PIK3C2G: variants seen among roughly 807,000 people sequenced by gnomAD.
PIK3C2G encodes phosphatidylinositol-4-phosphate 3-kinase catalytic subunit type 2 gamma, also known as phosphatidylinositol 3-kinase C2 domain-containing subunit gamma.
Under a neutral mutation model 181.1 loss-of-function variants are expected in PIK3C2G, and 168 were observed. The observed-to-expected ratio is 0.93, with a 90% CI of 0.82 to 1.05. PIK3C2G has a LOEUF of 1.05. PIK3C2G is among the 50% of genes least tolerant of loss of function. The pLI is 0.00. For missense variants in PIK3C2G, 1,869 were observed against 1,732.8 expected, an observed-to-expected ratio of 1.08 and a Z score of -1.40; for synonymous variants, 573 against 592.2, an observed-to-expected ratio of 0.97 and a Z score of 0.47.
intron 5 of PIK3C2G, among the ~76,000 whole-genome samples, chr12:18,311,823 T>G (rs1419470336): frequency 6.6e-6 from 1 of 151,866 alleles, no homozygotes; most frequent in Non-Finnish European, 1.5e-5. Flanking sequence ...AGGTGAGATC[T>G]CACAATAGGC....
In PIK3C2G at chr12:18,640,474, C is replaced by G; in HGVS notation, c.4228C>G (p.Leu1410Val). Residue 1410 changes from leucine to valine, a missense_variant, in exon 32 of 33, where the codon CTT becomes GTT. Transcript: ENST00000538779. ...SAPSAHVEFY[L>V]LPYPSEVRRR... is the part of the protein sequence containing the mutation. ...GCCCAGTGCACATGTTGAATTTTAT[C>G]TTTTACCATATCCCAGTGAAGTTCG... The G allele has an allele frequency of 6.2e-7, 1 of 1,609,368 alleles. No individual in the cohort carries two copies. Among genetic ancestry groups the G allele is most frequent in the East Asian group, 2.2e-5 (1 of 44,680 alleles).
the PIK3C2G span, among the ~76,000 whole-genome samples, chr12:18,679,281 A>G: frequency 6.6e-6 from 1 of 151,966 alleles, no homozygotes; most frequent in African/African-American, 2.4e-5. Flanking sequence ...AAAAGGCAGA[A>G]GTTCTTTTTA....
chr12:18,352,237 T>G (rs543855449), intron 11 of PIK3C2G, among the ~76,000 whole-genome samples: 1 of 152,320 alleles, frequency 6.6e-6, no homozygotes, highest in African/African-American at 2.4e-5. Context: ...AGATGTTGTC[T>G]TTCTAAAGTC....
At chr12:18,600,234 A>G (rs1947631589) in intron 30 of PIK3C2G, among the ~76,000 whole-genome samples, 2 of 152,020 alleles carry the variant, frequency 1.3e-5, no homozygotes, top group African/African-American at 4.8e-5. Context: ...TCACTTTAAC[A>G]AAGTGAAAAT....
rs145274531 is a variant in PIK3C2G at position 18,635,196 on chromosome 12, C to T, written c.4183-5233C>T. On this transcript the variant is annotated intron_variant, in intron 31 of 32. Transcript: ENST00000538779. ...CATGCAGAACTATCCGTAAACCAGG[C>T]CTCATCTTTCTTTCTCTTCCTCTGT... 3.5e-3 allele frequency among the ~76,000 whole-genome samples: 529 copies of T among 152,288 alleles called. 2 individuals carry two copies. Among genetic ancestry groups the T allele is most frequent in the African/African-American group, 0.012 (507 of 41,570 alleles).
intron 1 of PIK3C2G, among the ~76,000 whole-genome samples, chr12:18,262,482 GCT>G (rs1948288229): frequency 6.6e-6 from 1 of 151,892 alleles, no homozygotes; most frequent in Non-Finnish European, 1.5e-5. Context: ...CAACTCAAGG[GCT>G]CTTTCCATGA....
At chr12:18,520,463 T>C (rs1320101959) in intron 24 of PIK3C2G, among the ~76,000 whole-genome samples, 3 of 152,176 alleles carry the variant, frequency 2.0e-5, no homozygotes, top group African/African-American at 4.8e-5. Flanking sequence ...TTCAGCAAGA[T>C]AGTCTTCAAA....
chr12:18,282,689 C>T lies in PIK3C2G; in HGVS notation c.608C>T (p.Pro203Leu), dbSNP rs765538264. 5 of 1,613,218 alleles carry T rather than the reference C, an allele frequency of 3.1e-6. No homozygotes were observed. The East Asian group carries it at 1.1e-4, about 36-fold the overall frequency. Residue 203 changes from proline (P) to leucine (L), a missense_variant, in exon 2 of 33, where the codon CCA (proline) becomes CTA (leucine). Transcript: ENST00000538779. ...AGTGGACATGTGAACATTGTGGAAC[C>T]ATCTTTGATGCTTTTGAAAGGCTCT... The part of the protein sequence containing the change: ...KRSGHVNIVE[P>L]SLMLLKGSLQ...
intron 29 of PIK3C2G, among the ~76,000 whole-genome samples, chr12:18,577,848 T>G (rs1026044024): frequency 1.3e-5 from 2 of 152,216 alleles, no homozygotes; most frequent in African/African-American, 4.8e-5. Flanking sequence ...AATAAAGTAG[T>G]GCTATGTTGA....
At chr12:18,343,251 A>T (rs1939310262) in intron 9 of PIK3C2G, 76 bp from the exon 10 acceptor site, 3 of 758,212 alleles carry the variant, frequency 4.0e-6, no homozygotes, top group Non-Finnish European at 6.7e-6. Flanking sequence ...TAATGTTTAG[A>T]TTTTGGACAT....
chr12:18,466,703 A>C (rs1352870518), intron 18 of PIK3C2G, among the ~76,000 whole-genome samples: 1 of 151,932 alleles, frequency 6.6e-6, no homozygotes, highest in Non-Finnish European at 1.5e-5. Flanking sequence ...AGAAGCTCGA[A>C]AGGTTCAATA....
chr12:18,723,446 T>G, the PIK3C2G span: 2 of 1,613,008 alleles, frequency 1.2e-6, no homozygotes, highest in Admixed American at 3.3e-5. Flanking sequence ...GAATATGTGT[T>G]GAAAATCTCA....
rs774275920 is a variant in PIK3C2G at position 18,594,515 on chromosome 12, T to C, written c.4033T>C (p.Phe1345Leu). 1 of 1,556,092 alleles carries C rather than the reference T, an allele frequency of 6.4e-7. No individual in the cohort carries two copies. The highest frequency in any genetic ancestry group is 2.1e-5 in the Admixed American group (1 of 47,858). ...TCAGAGTGATTGTGTACTTAGCTTT[T>C]TCCTCTCTGAGGCTGTGCAACAAAC... is the stretch of plus-strand genomic sequence containing the variant. ...VTNSDCVLSFFLSEAVQQTVE... is the reference protein window; with the variant it reads ...VTNSDCVLSFLLSEAVQQTVE... Residue 1345 changes from phenylalanine (F) to leucine (L), a missense_variant, in exon 30 of 33, where the codon TTC (phenylalanine) becomes CTC (leucine). Physicochemically the swap from Phe to Leu is conservative, Grantham distance 22. Coordinates refer to ENST00000538779, the MANE Select transcript of PIK3C2G (RefSeq NM_001288772.2).
chr12:18,272,581 CTTTAT>C (rs986554750), intron 1 of PIK3C2G, among the ~76,000 whole-genome samples: 2 of 152,220 alleles, frequency 1.3e-5, no homozygotes, highest in South Asian at 2.1e-4. Flanking sequence ...CCAGTGACAG[CTTTAT>C]TTTAACAATG....
At chr12:18,714,340 T>A in the PIK3C2G span, among the ~76,000 whole-genome samples, 1 of 152,048 alleles carries the variant, frequency 6.6e-6, no homozygotes, top group African/African-American at 2.4e-5. Context: ...CATAAGGCAA[T>A]GGTTAGTGCT....
chr12:18,449,633 T>C (rs927326543), intron 18 of PIK3C2G, among the ~76,000 whole-genome samples: 3 of 152,194 alleles, frequency 2.0e-5, no homozygotes, highest in Non-Finnish European at 4.4e-5. Flanking sequence ...CATGAATTCA[T>C]TCTTTTTTAT....
At chr12:18,711,946 A>T in the PIK3C2G span, among the ~76,000 whole-genome samples, 1 of 152,086 alleles carries the variant, frequency 6.6e-6, no homozygotes, top group Admixed American at 6.6e-5. Flanking sequence ...TATCTTTGAA[A>T]TATTTATTTT....
Position 18,562,696 on chromosome 12 carries a change from T to C in PIK3C2G, c.3591-7T>C. ...CACTCACTATCTTTTCTTTTACATT[T>C]CTCTAGGAAAATAAAGGAAAGTCTG... On this transcript the variant is annotated splice_region_variant and splice_polypyrimidine_tract_variant and intron_variant, in intron 26 of 32. Coordinates refer to ENST00000538779, the MANE Select transcript of PIK3C2G (RefSeq NM_001288772.2). 1.3e-6 allele frequency: 2 copies of C among 1,531,204 alleles called. No individual in the cohort carries two copies. Among genetic ancestry groups the C allele is most frequent in the Non-Finnish European group, 1.8e-6 (2 of 1,117,252 alleles). 94.9% of individuals were successfully genotyped at this position (1,531,204 alleles called of 1,614,324 possible). A position where few individuals can be genotyped will look rare whatever the true frequency, so the allele number is the denominator to read the frequency against.
At chr12:18,527,309 T>C (rs1943292377) in intron 24 of PIK3C2G, among the ~76,000 whole-genome samples, 1 of 152,236 alleles carries the variant, frequency 6.6e-6, no homozygotes, top group South Asian at 2.1e-4. Context: ...GAACTTTATG[T>C]AGTATCCAAC....
Sources: allele counts gnomAD v4.1 joint callset (sites outside exome capture counted in the v4.1 genomes callset), GRCh38; gene constraint gnomAD v4.1.1; transcripts MANE v1.5; gene names NCBI Gene and HGNC (gene_info 2026-07-23, HGNC 2026-07-21).